Variants in SIK3 observed in about 807,000 individuals in gnomAD.
SIK3 encodes serine/threonine-protein kinase SIK3.
Under a neutral mutation model 144.2 loss-of-function variants are expected in SIK3, and 28 were observed. The observed-to-expected ratio is 0.19, with a 90% CI of 0.14 to 0.27. The LOEUF is 0.27. Among genes scored for constraint, SIK3 ranks in the 10% least tolerant of loss-of-function variants. The pLI is 1.00. For synonymous variants in SIK3, 686 were observed against 676.3 expected, an observed-to-expected ratio of 1.01 and a Z score of -0.22; for missense variants, 1,319 against 1,776.0, an observed-to-expected ratio of 0.74 and a Z score of 4.62.
At chr11:116,902,485 G>T (rs1050768967) in intron 4 of SIK3, among the ~76,000 whole-genome samples, 1 of 152,206 alleles carries the variant, frequency 6.6e-6, no homozygotes, top group Non-Finnish European at 1.5e-5. Flanking sequence ...TATGAGAAAT[G>T]AGTGTATGAG....
intron 1 of SIK3, among the ~76,000 whole-genome samples, chr11:116,991,098 C>G (rs1015101583): frequency 6.6e-6 from 1 of 152,166 alleles, no homozygotes; most frequent in East Asian, 1.9e-4. Flanking sequence ...AGAGAGAGAG[C>G]TGGTTAGTGG....
At chr11:117,048,458 A>G (rs1953063977) in intron 1 of SIK3, among the ~76,000 whole-genome samples, 2 of 151,978 alleles carry the variant, frequency 1.3e-5, no homozygotes, top group Non-Finnish European at 2.9e-5. Context: ...GGAGTTCGAG[A>G]CCAGCCTGAC....
chr11:116,973,668 G>T (rs566749978), intron 1 of SIK3, among the ~76,000 whole-genome samples: 2 of 152,200 alleles, frequency 1.3e-5, no homozygotes, highest in Non-Finnish European at 2.9e-5. Flanking sequence ...GGTGATCAAG[G>T]TTAGCATCAA....
intron 1 of SIK3, among the ~76,000 whole-genome samples, chr11:116,987,911 T>C (rs1191732501): frequency 1.3e-5 from 2 of 152,228 alleles, no homozygotes; most frequent in Non-Finnish European, 2.9e-5. Flanking sequence ...ACAGAACTTA[T>C]GTGTGGTTTG....
chr11:116,966,657 T>C (rs9971422), intron 1 of SIK3, among the ~76,000 whole-genome samples: 23,434 of 151,458 alleles, frequency 0.15, 2,604 homozygotes, highest in African/African-American at 0.31. Flanking sequence ...CTACAACTTA[T>C]AGAAATATTT....
chr11:117,091,809 G>T (rs915290613), intron 1 of SIK3, among the ~76,000 whole-genome samples: 3 of 152,074 alleles, frequency 2.0e-5, no homozygotes, highest in East Asian at 1.9e-4. Context: ...CTGAGACAGG[G>T]TTTCACTCTG....
intron 1 of SIK3, among the ~76,000 whole-genome samples, chr11:117,094,544 G>A (rs1955385723): frequency 1.3e-5 from 2 of 152,086 alleles, no homozygotes; most frequent in African/African-American, 2.4e-5. Flanking sequence ...GGAGTTGGAG[G>A]TTACAGTGAA....
At chr11:117,000,417 C>A (rs1168886078) in intron 1 of SIK3, among the ~76,000 whole-genome samples, 1 of 152,134 alleles carries the variant, frequency 6.6e-6, no homozygotes, top group Non-Finnish European at 1.5e-5. Flanking sequence ...TGTTTTTTAA[C>A]CACTTTCTTA....
intron 4 of SIK3, among the ~76,000 whole-genome samples, chr11:116,902,484 T>A (rs1945788194): frequency 6.6e-6 from 1 of 152,146 alleles, no homozygotes; most frequent in Admixed American, 6.5e-5. Flanking sequence ...ATATGAGAAA[T>A]GAGTGTATGA....
chr11:117,086,801 CCTGA>C (rs1293117272), intron 1 of SIK3, among the ~76,000 whole-genome samples: 6 of 151,738 alleles, frequency 4.0e-5, no homozygotes, highest in East Asian at 1.9e-4. Flanking sequence ...TGGAGAGCAG[CCTGA>C]CTAACACGGT....
intron 1 of SIK3, among the ~76,000 whole-genome samples, chr11:117,047,639 C>T (rs545885388): frequency 6.6e-6 from 1 of 152,142 alleles, no homozygotes; most frequent in Non-Finnish European, 1.5e-5. Flanking sequence ...TCAGTAAATA[C>T]TTGTTGCATT....
chr11:116,950,682 T>C (rs528403172), intron 3 of SIK3, among the ~76,000 whole-genome samples: 2 of 152,350 alleles, frequency 1.3e-5, no homozygotes, highest in East Asian at 1.9e-4. Flanking sequence ...GGAACACTTA[T>C]TCTATGAAAT....
intron 13 of SIK3, among the ~76,000 whole-genome samples, chr11:116,870,779 T>C (rs1005985131): frequency 1.1e-4 from 16 of 151,972 alleles, no homozygotes; most frequent in African/African-American, 3.9e-4. Flanking sequence ...AATGGGGGTG[T>C]TTGGGAATTA....
Position 116,896,297 on chromosome 11 carries a change from C to T in SIK3, c.821G>A (p.Arg274His), listed in dbSNP as rs1221830585. The T allele has an allele frequency of 5.0e-6, 8 of 1,613,946 alleles. No homozygotes were observed. Among genetic ancestry groups the T allele is most frequent in the African/African-American group, 1.3e-5 (1 of 75,042 alleles). ...DGSTLQNLRA[R>H]VLSGKFRIPF... is the part of the protein sequence containing the mutation. ...GATGCGGAACTTTCCACTCAGCACG[C>T]GGGCCCGCAGATTCTGCAGTGTGCT... is the stretch of plus-strand genomic sequence containing the variant. The change falls in exon 6 of 25, where the codon CGC (arginine) becomes CAC (histidine). Residue 274 changes from arginine to histidine, a missense_variant. This residue lies in a region of SIK3 where 125 missense variants were observed against 285.2 expected (regional missense o/e 0.44). Transcript: ENST00000445177.
At chr11:116,911,919 A>C (rs1946368521) in intron 4 of SIK3, among the ~76,000 whole-genome samples, 1 of 152,206 alleles carries the variant, frequency 6.6e-6, no homozygotes, top group African/African-American at 2.4e-5. Flanking sequence ...GAATATTCTA[A>C]AGAGTTACGG....
chr11:117,003,020 G>A (rs985241999), intron 1 of SIK3, among the ~76,000 whole-genome samples: 1 of 152,168 alleles, frequency 6.6e-6, no homozygotes, highest in Non-Finnish European at 1.5e-5. Context: ...AAGCATACAC[G>A]CCGTGTCAAG....
intron 1 of SIK3, among the ~76,000 whole-genome samples, chr11:117,092,385 A>T (rs1955287732): frequency 6.6e-6 from 1 of 151,890 alleles, no homozygotes; most frequent in African/African-American, 2.4e-5. Flanking sequence ...GCTTTTTCTC[A>T]TCACTCAGGT....
intron 11 of SIK3, among the ~76,000 whole-genome samples, chr11:116,874,331 TC>T (rs2134543851): frequency 6.6e-6 from 1 of 152,276 alleles, no homozygotes; most frequent in East Asian, 1.9e-4. Context: ...GTGGCACCAG[TC>T]CAGTTCAGGT....
At chr11:116,988,481 A>G (rs1426344021) in intron 1 of SIK3, among the ~76,000 whole-genome samples, 5 of 152,138 alleles carry the variant, frequency 3.3e-5, no homozygotes, top group East Asian at 1.9e-4. Flanking sequence ...AAGAAACATT[A>G]TAAGAGAAAA....
Sources: allele counts gnomAD v4.1 joint callset (sites outside exome capture counted in the v4.1 genomes callset), GRCh38; gene constraint gnomAD v4.1.1; regional missense constraint gnomAD v4.1.1; transcripts MANE v1.5; gene names NCBI Gene and HGNC (gene_info 2026-07-23, HGNC 2026-07-21).